The following GPC5 variants were observed in gnomAD, a reference collection of about 807,000 sequenced individuals.
The protein encoded by GPC5 is glypican 5.
GPC5 carries 47 observed loss-of-function variants against 53.9 expected under a neutral mutation model. The ratio of observed to expected loss-of-function variants is 0.87; its 90% CI spans 0.69 to 1.11. The LOEUF is 1.11. Ranked by LOEUF, GPC5 falls within the 50% of genes most tolerant of loss-of-function variation. The pLI is 0.00. For missense variants in GPC5, 748 were observed against 713.1 expected, an observed-to-expected ratio of 1.05 and a Z score of -0.56; for synonymous variants, 286 against 263.3, an observed-to-expected ratio of 1.09 and a Z score of -0.84.
At chr13:92,290,483 C>G (rs1470218873) in intron 7 of GPC5, among the ~76,000 whole-genome samples, 1 of 152,104 alleles carries the variant, frequency 6.6e-6, no homozygotes, top group African/African-American at 2.4e-5. Context: ...TTTCCTCACC[C>G]CCTTCTGACC....
intron 5 of GPC5, among the ~76,000 whole-genome samples, chr13:91,839,315 AAC>A (rs2038758065): frequency 6.6e-6 from 1 of 152,116 alleles, no homozygotes; most frequent in South Asian, 2.1e-4. Flanking sequence ...TCAGTATGAT[AAC>A]AGACATTTTC....
chr13:91,791,672 T>TTACATGTTGA (rs1450370963), intron 5 of GPC5, among the ~76,000 whole-genome samples: 1 of 146,932 alleles, frequency 6.8e-6, no homozygotes, highest in African/African-American at 2.6e-5. Context: ...ACATCAACAA[T>TTACATGTTGA]TGTATGAGGC....
At chr13:91,579,243 G>C (rs148514255) in intron 2 of GPC5, among the ~76,000 whole-genome samples, 1 of 152,232 alleles carries the variant, frequency 6.6e-6, no homozygotes, top group East Asian at 1.9e-4. Context: ...TATCTGCTCT[G>C]GATGCCCCTT....
At chr13:92,830,763 C>T (rs752392165) in intron 7 of GPC5, among the ~76,000 whole-genome samples, 4 of 151,916 alleles carry the variant, frequency 2.6e-5, no homozygotes, top group Non-Finnish European at 4.4e-5. Flanking sequence ...ACTTAAAAGA[C>T]GTTAGGCTAT....
intron 5 of GPC5, among the ~76,000 whole-genome samples, chr13:91,880,943 A>C (rs1489634187): frequency 6.6e-6 from 1 of 152,124 alleles, no homozygotes. Flanking sequence ...GGCGTCCGCC[A>C]CCACACAGGG....
chr13:91,733,284 A>G (rs1193615676), intron 4 of GPC5, among the ~76,000 whole-genome samples: 1 of 151,980 alleles, frequency 6.6e-6, no homozygotes, highest in African/African-American at 2.4e-5. Flanking sequence ...TACAGCATGC[A>G]CCACCACACC....
intron 7 of GPC5, among the ~76,000 whole-genome samples, chr13:92,691,489 C>T (rs545168106): frequency 0.015 from 2,303 of 150,264 alleles, 64 homozygotes; most frequent in African/African-American, 0.054. Flanking sequence ...GAGATGAACC[C>T]GGTACCTCAG....
At chr13:92,477,075 A>T (rs1221677575) in intron 7 of GPC5, among the ~76,000 whole-genome samples, 2 of 151,720 alleles carry the variant, frequency 1.3e-5, no homozygotes, top group African/African-American at 4.8e-5. Context: ...ATAAATAAAT[A>T]AATAAAAAGA....
chr13:92,328,279 A>G (rs2043265593), intron 7 of GPC5, among the ~76,000 whole-genome samples: 1 of 152,162 alleles, frequency 6.6e-6, no homozygotes. Flanking sequence ...GGAGTATGGC[A>G]ACAGAAATAT....
intron 7 of GPC5, among the ~76,000 whole-genome samples, chr13:92,533,639 C>T (rs1474580830): frequency 6.6e-6 from 1 of 152,126 alleles, no homozygotes; most frequent in African/African-American, 2.4e-5. Flanking sequence ...AGCCCCATAG[C>T]GTTAAATAGA....
chr13:92,481,741 G>A (rs1246761884), intron 7 of GPC5, among the ~76,000 whole-genome samples: 2 of 151,622 alleles, frequency 1.3e-5, no homozygotes, highest in Admixed American at 6.6e-5. Flanking sequence ...CTCATTAGCT[G>A]GAAAAAAAAA....
At position 91,426,179 on chromosome 13, in the gene GPC5, A is replaced by T. The variant is rs143296420; in HGVS notation, c.164-22582A>T. On this transcript the variant is annotated intron_variant, in intron 1 of 7. Transcript: ENST00000377067. ...CCAGCTGCAGAAATTTGCATAAGTAATGAGGAGCCAAATGTTAACCACCAA... is the reference window on the plus strand; with the variant it reads ...CCAGCTGCAGAAATTTGCATAAGTATTGAGGAGCCAAATGTTAACCACCAA... Among the ~76,000 whole-genome samples the T allele has an allele frequency of 1.1e-3, 172 of 152,188 alleles. 1 individual carries two copies. The highest frequency in any genetic ancestry group is 3.4e-3 in the Middle Eastern group (1 of 294).
At chr13:91,643,086 TGA>T (rs1314930572) in intron 2 of GPC5, among the ~76,000 whole-genome samples, 12 of 152,122 alleles carry the variant, frequency 7.9e-5, no homozygotes, top group African/African-American at 2.9e-4. Flanking sequence ...TACCATAGGC[TGA>T]GCATGGGGAT....
intron 7 of GPC5, among the ~76,000 whole-genome samples, chr13:92,148,280 A>C (rs1438501031): frequency 6.6e-6 from 1 of 151,912 alleles, no homozygotes; most frequent in Non-Finnish European, 1.5e-5. Context: ...ACTTGAACTG[A>C]TTTTCTGTGT....
At chr13:91,663,830 C>T (rs983724005) in intron 2 of GPC5, among the ~76,000 whole-genome samples, 3 of 152,092 alleles carry the variant, frequency 2.0e-5, no homozygotes, top group Admixed American at 6.6e-5. Flanking sequence ...GCTTCAATTA[C>T]ATTAATTTTT....
intron 7 of GPC5, among the ~76,000 whole-genome samples, chr13:92,270,914 A>G (rs10492502): frequency 0.21 from 31,242 of 152,168 alleles, 3,327 homozygotes; most frequent in South Asian, 0.37. Context: ...GTATTTGAAT[A>G]TGAAAGAGCT....
Position 91,472,618 on chromosome 13 carries a change from C to A in GPC5, c.325+23696C>A, listed in dbSNP as rs767741674. ...TTTTTTATTTTATTCCTAGTCATTG[C>A]CAATACATATGTTATTTTTATAGTA... On this transcript the variant is annotated intron_variant, in intron 2 of 7. Coordinates refer to ENST00000377067, the MANE Select transcript of GPC5 (RefSeq NM_004466.6). 6.6e-5 allele frequency among the ~76,000 whole-genome samples: 10 copies of A among 152,210 alleles called. No individual in the cohort carries two copies. The East Asian group carries it at 1.7e-3, about 26-fold the overall frequency.
chr13:91,576,958 G>A (rs779819158), intron 2 of GPC5, among the ~76,000 whole-genome samples: 3 of 152,016 alleles, frequency 2.0e-5, no homozygotes, highest in Admixed American at 6.6e-5. Context: ...ATGTGAAAAG[G>A]CAGAAATACT....
intron 7 of GPC5, among the ~76,000 whole-genome samples, chr13:92,238,287 C>T (rs2139111250): frequency 6.6e-6 from 1 of 151,952 alleles, no homozygotes; most frequent in South Asian, 2.1e-4. Context: ...TACAGAGTAG[C>T]TTCATCACTT....
Sources: gnomAD v4.1 joint callset for allele counts (sites outside exome capture counted in the v4.1 genomes callset) on GRCh38, gnomAD v4.1.1 for gene constraint, MANE v1.5 for transcripts, NCBI Gene and HGNC (gene_info 2026-07-23, HGNC 2026-07-21) for gene names.